Variants in NPL observed in about 807,000 individuals in gnomAD.
NPL encodes the protein N-acetylneuraminate lyase.
NPL carries 32 observed loss-of-function variants against 41.1 expected under a neutral mutation model. The ratio of observed to expected loss-of-function variants is 0.78; its 90% CI spans 0.59 to 1.05. The LOEUF is 1.05. Among genes scored for constraint, NPL ranks in the 50% least tolerant of loss-of-function variants. The pLI is 0.00. For missense variants in NPL, 321 were observed against 378.4 expected (o/e 0.85, Z 1.26); for synonymous variants, 128 against 134.9 (o/e 0.95, Z 0.35).
At chr1:182,825,050 A>T (rs1055929356) in intron 11 of NPL, among the ~76,000 whole-genome samples, 9 of 152,222 alleles carry the variant, frequency 5.9e-5, no homozygotes, top group Non-Finnish European at 1.0e-4. Flanking sequence ...TGCCAAAATC[A>T]CAGAATGCTT....
At chr1:182,794,516 C>A in intron 3 of NPL, 77 bp downstream of exon 3, 3 of 1,390,508 alleles carry the variant, frequency 2.2e-6, no homozygotes, top group South Asian at 1.2e-5. Context: ...TAACAACAGT[C>A]ACTTAAGACC....
At chr1:182,800,996 C>T (rs986971457) in intron 3 of NPL, among the ~76,000 whole-genome samples, 1 of 152,128 alleles carries the variant, frequency 6.6e-6, no homozygotes, top group Non-Finnish European at 1.5e-5. Context: ...TCCCAAAGTG[C>T]TGAGATTACA....
chr1:182,820,471 G>A (rs1469884895), intron 10 of NPL, among the ~76,000 whole-genome samples: 1 of 152,188 alleles, frequency 6.6e-6, no homozygotes, highest in Non-Finnish European at 1.5e-5. Context: ...GAGGAAATTT[G>A]AATGTGTATT....
Position 182,829,938 on chromosome 1 carries a change from T to C in NPL, c.*1030T>C. On this transcript the variant is annotated 3_prime_UTR_variant, in exon 13 of 13. Coordinates refer to ENST00000367553, the MANE Select transcript of NPL (RefSeq NM_030769.3). ...AAACCTTGATATAAGCTTTCTGATA[T>C]CAAAGTATATTGACAGTTAACCCTT... is the stretch of plus-strand genomic sequence containing the variant. 3.1e-6 allele frequency: 1 copy of C among 320,034 alleles called. No individual in the cohort carries two copies. Among genetic ancestry groups the C allele is most frequent in the Non-Finnish European group, 5.8e-6 (1 of 173,478 alleles). The allele number at this position is 320,034 out of a possible 1,614,324, so 19.8% of individuals were successfully genotyped here. A position where few individuals can be genotyped will look rare whatever the true frequency, so the allele number is the denominator to read the frequency against.
rs1158990999 is a variant in NPL at position 182,828,514 on chromosome 1, T to G, written c.779-210T>G. On this transcript the variant is annotated intron_variant, in intron 12 of 12. Coordinates refer to ENST00000367553, the MANE Select transcript of NPL (RefSeq NM_030769.3). This position sits in a 1 kb window ranked among gnomAD's most constrained non-coding sequence, Gnocchi z 4.0. ...TTGTTTTCTTTTACTGTGATCAACTTTTAAAATTTTCCAGCGTTCTGTGTT... is the reference window on the plus strand; with the variant it reads ...TTGTTTTCTTTTACTGTGATCAACTGTTAAAATTTTCCAGCGTTCTGTGTT... Among the ~76,000 whole-genome samples, 7 of 152,212 alleles carry G rather than the reference T, an allele frequency of 4.6e-5. No individual in the cohort carries two copies. Among genetic ancestry groups the G allele is most frequent in the African/African-American group, 1.7e-4 (7 of 41,460 alleles).
At chr1:182,821,055 C>G (rs1307898523) in intron 10 of NPL, among the ~76,000 whole-genome samples, 3 of 152,152 alleles carry the variant, frequency 2.0e-5, no homozygotes, top group African/African-American at 7.2e-5. Flanking sequence ...CACCTAAGAC[C>G]ATTGGGATTC....
intron 3 of NPL, among the ~76,000 whole-genome samples, chr1:182,800,841 C>G (rs529599736): frequency 6.6e-6 from 1 of 151,504 alleles, no homozygotes; most frequent in African/African-American, 2.4e-5. Flanking sequence ...GCAATCCTGC[C>G]TCAGCATCCC....
At position 182,821,768 on chromosome 1, in the gene NPL, A is replaced by G. The variant is rs528197672; in HGVS notation, c.654-347A>G. Among the ~76,000 whole-genome samples, 4 of 152,310 alleles carry G rather than the reference A, an allele frequency of 2.6e-5. No homozygotes were observed. The East Asian group carries it at 7.7e-4, about 29-fold the overall frequency. Reference sequence around the variant, plus strand: ...ATAAGGCTTTTAGGACTCACCTCAGATGCTACCTTTTATCCACAGTTCTTG... The same window carrying G: ...ATAAGGCTTTTAGGACTCACCTCAGGTGCTACCTTTTATCCACAGTTCTTG... On this transcript the variant is annotated intron_variant, in intron 10 of 12. Transcript: ENST00000367553.
At chr1:182,809,496 C>T (rs1170341694) in intron 5 of NPL, among the ~76,000 whole-genome samples, 2 of 150,422 alleles carry the variant, frequency 1.3e-5, no homozygotes, top group Non-Finnish European at 2.9e-5. Context: ...GCTGAGATTG[C>T]ACCACTGCAC....
chr1:182,827,618 A>ATT (rs1457647648), intron 12 of NPL, among the ~76,000 whole-genome samples: 1 of 151,988 alleles, frequency 6.6e-6, no homozygotes, highest in African/African-American at 2.4e-5. Context: ...CTAAATATAT[A>ATT]TATTTTTTTC....
chr1:182,801,462 T>C (rs964470604), intron 3 of NPL, among the ~76,000 whole-genome samples: 1 of 152,070 alleles, frequency 6.6e-6, no homozygotes, highest in African/African-American at 2.4e-5. Flanking sequence ...GAGCTTCTAG[T>C]TTCACATACT....
Position 182,800,251 on chromosome 1 carries a change from C to A in NPL, c.69-3447C>A, listed in dbSNP as rs1666799278. Among the ~76,000 whole-genome samples, 6 of 151,888 alleles carry A rather than the reference C, an allele frequency of 4.0e-5. No individual in the cohort carries two copies. The South Asian group carries it at 1.2e-3, about 32-fold the overall frequency. On this transcript the variant is annotated intron_variant, in intron 3 of 12. Transcript: ENST00000367553. ...AGGAGTTCGAGACCAGCCTGGGCAA[C>A]CTGGTAAAACCCTGTCTCTACAAAA...
intron 4 of NPL, among the ~76,000 whole-genome samples, chr1:182,805,033 C>T (rs1488073548): frequency 1.3e-5 from 2 of 152,216 alleles, no homozygotes; most frequent in African/African-American, 2.4e-5. Flanking sequence ...TCCCTTCTTC[C>T]AACCCAGTGC....
intron 12 of NPL, chr1:182,826,904 A>G (rs1667645765): frequency 6.6e-6 from 1 of 152,212 alleles, no homozygotes; most frequent in Non-Finnish European, 1.5e-5. Context: ...TTTCCTGTAC[A>G]TGCATACCTA....
intron 3 of NPL, among the ~76,000 whole-genome samples, chr1:182,794,956 A>G (rs1666616462): frequency 6.6e-6 from 1 of 152,210 alleles, no homozygotes; most frequent in African/African-American, 2.4e-5. Context: ...TCCTGTTTAC[A>G]GCCTCATTTC....
chr1:182,797,371 T>C (rs6666879), intron 3 of NPL, among the ~76,000 whole-genome samples: 40,994 of 151,788 alleles, frequency 0.27, 8,183 homozygotes, highest in African/African-American at 0.57. Flanking sequence ...AAGCTCGGGC[T>C]GTATCATACT....
intron 11 of NPL, among the ~76,000 whole-genome samples, 159 bp from the exon 12 acceptor site, chr1:182,825,622 C>T (rs1233792901): frequency 1.3e-5 from 2 of 152,166 alleles, no homozygotes; most frequent in East Asian, 1.9e-4. Context: ...CTGGATGGAT[C>T]CCAGCCATCT....
At chr1:182,819,446 C>CAA (rs746491108) in intron 10 of NPL, among the ~76,000 whole-genome samples, 4 of 105,430 alleles carry the variant, frequency 3.8e-5, no homozygotes, top group Admixed American at 1.0e-4. Context: ...AACTCCATCT[C>CAA]AAAAAAAAAA....
At chr1:182,810,910 A>C (rs371613169) in intron 5 of NPL, among the ~76,000 whole-genome samples, 21 of 152,278 alleles carry the variant, frequency 1.4e-4, no homozygotes, top group South Asian at 8.3e-4. Flanking sequence ...TGAGGAGTTC[A>C]CAGCTGGTTC....
Sources: gnomAD v4.1 joint callset for allele counts (sites outside exome capture counted in the v4.1 genomes callset) on GRCh38, gnomAD v4.1.1 for gene constraint, Gnocchi (gnomAD v3.1) non-coding constraint, MANE v1.5 for transcripts, NCBI Gene and HGNC (gene_info 2026-07-23, HGNC 2026-07-21) for gene names.